FARS2: variants seen among roughly 807,000 people sequenced by gnomAD.
FARS2 encodes phenylalanine--tRNA ligase, mitochondrial.
Under a neutral mutation model 46.4 loss-of-function variants are expected in FARS2, and 40 were observed. That is an observed-to-expected ratio of 0.86 (90% confidence interval 0.67 to 1.12). The LOEUF is 1.12. Ranked by LOEUF, FARS2 falls within the 50% of genes most tolerant of loss-of-function variation. FARS2 has a pLI of 0.00. For missense variants in FARS2, 513 were observed against 567.9 expected (o/e 0.90, Z 0.98); for synonymous variants, 234 against 214.9 (o/e 1.09, Z -0.78).
intron 1 of FARS2, among the ~76,000 whole-genome samples, chr6:5,262,690 C>G (rs1264674198): frequency 6.6e-6 from 1 of 152,190 alleles, no homozygotes; most frequent in African/African-American, 2.4e-5. Flanking sequence ...AATCCTGATG[C>G]AATGACATTT....
chr6:5,476,394 T>A (rs944320461), intron 4 of FARS2, among the ~76,000 whole-genome samples: 7 of 152,240 alleles, frequency 4.6e-5, no homozygotes, highest in African/African-American at 1.7e-4. Flanking sequence ...CCTGTTTATT[T>A]ATTCTCATGT....
chr6:5,371,155 AGTTT>A (rs776633216), intron 2 of FARS2: 8 of 982,756 alleles, frequency 8.1e-6, no homozygotes, highest in Non-Finnish European at 9.7e-6. Context: ...CCCAAAGGGG[AGTTT>A]TGGTTCCAAG....
chr6:5,341,514 A>T (rs1030932084), intron 1 of FARS2, among the ~76,000 whole-genome samples: 9 of 150,778 alleles, frequency 6.0e-5, no homozygotes, highest in Admixed American at 3.3e-4. Context: ...TTTATTTATT[A>T]TTTTATTTTA....
At chr6:5,334,209 C>T (rs971076405) in intron 1 of FARS2, among the ~76,000 whole-genome samples, 3 of 152,216 alleles carry the variant, frequency 2.0e-5, no homozygotes, top group African/African-American at 4.8e-5. Flanking sequence ...GGCAGTGTAG[C>T]GGTAAAATAG....
rs772604608 is a variant in FARS2, at chr6:5,368,678, T to C, written c.108T>C (p.Pro36=). 1.4e-5 allele frequency: 22 copies of C among 1,614,006 alleles called. No individual in the cohort carries two copies. The South Asian group carries it at 2.3e-4, about 17-fold the overall frequency. Reference sequence around the variant, plus strand: ...AGCACCAGGCCTGGGGATCGAGGCCTCCTGCAGCAGAGTGTGCCACCCAAA... The same window carrying C: ...AGCACCAGGCCTGGGGATCGAGGCCCCCTGCAGCAGAGTGTGCCACCCAAA... The part of the protein sequence containing the change: ...GHQHQAWGSR[P]PAAECATQRA... Residue 36 remains proline, a synonymous_variant, in exon 2 of 7, where the codon CCT becomes CCC. Coordinates refer to ENST00000274680, the MANE Select transcript of FARS2 (RefSeq NM_006567.5).
At chr6:5,400,018 T>C (rs780191802) in intron 2 of FARS2, among the ~76,000 whole-genome samples, 12 of 152,194 alleles carry the variant, frequency 7.9e-5, no homozygotes, top group Admixed American at 2.0e-4. Context: ...TCAACAAATA[T>C]GTAGTTTTGT....
chr6:5,686,747 T>G, intron 6 of FARS2, among the ~76,000 whole-genome samples: 1 of 152,252 alleles, frequency 6.6e-6, no homozygotes, highest in Non-Finnish European at 1.5e-5. Context: ...CAAATGGTAT[T>G]TCAGTTCTAG....
At chr6:5,731,577 G>T (rs372432924) in intron 6 of FARS2, among the ~76,000 whole-genome samples, 1 of 152,136 alleles carries the variant, frequency 6.6e-6, no homozygotes, top group Non-Finnish European at 1.5e-5. Context: ...TTATTCTGTT[G>T]TACCCTTTGA....
At chr6:5,438,242 C>T in intron 4 of FARS2, among the ~76,000 whole-genome samples, 1 of 10,808 alleles carries the variant, frequency 9.3e-5, no homozygotes, top group Non-Finnish European at 1.8e-4. Context: ...TCTACCCACC[C>T]CCCGCCCCCC....
At chr6:5,590,445 G>A (rs1444979089) in intron 5 of FARS2, among the ~76,000 whole-genome samples, 2 of 152,194 alleles carry the variant, frequency 1.3e-5, no homozygotes, top group Non-Finnish European at 2.9e-5. Context: ...TGAGGTCATA[G>A]CTACCAGCTG....
At chr6:5,406,889 A>G (rs959004093) in intron 3 of FARS2, among the ~76,000 whole-genome samples, 1 of 151,562 alleles carries the variant, frequency 6.6e-6, no homozygotes, top group African/African-American at 2.4e-5. Flanking sequence ...ATCTTCAGCA[A>G]CACTTGATAG....
intron 5 of FARS2, among the ~76,000 whole-genome samples, chr6:5,572,024 A>AGCCCCCAAAGTTATCTTTTTCCTGTTTG (rs1772683715): frequency 2.0e-5 from 3 of 152,126 alleles, no homozygotes; most frequent in Admixed American, 2.0e-4. Flanking sequence ...ATCCTATATC[A>AGCCCCCAAAGTTATCTTTTTCCTGTTTG]GCCCCCAAAG....
At position 5,478,614 on chromosome 6, in the gene FARS2, C is replaced by T. The variant is rs183571739; in HGVS notation, c.904+47442C>T. On this transcript the variant is annotated intron_variant, in intron 4 of 6. Transcript: ENST00000274680. ...TGTCCAGATGCCCAGGCAAGATAAG[C>T]GTTCAAACCACCATGATTCTCTCAC... is the stretch of plus-strand genomic sequence containing the variant. Among the ~76,000 whole-genome samples, 23 of 152,248 alleles carry T rather than the reference C, an allele frequency of 1.5e-4. No individual in the cohort carries two copies. In the East Asian group the frequency reaches 3.1e-3, roughly 20 times the overall value.
At chr6:5,458,975 G>A (rs531579795) in intron 4 of FARS2, among the ~76,000 whole-genome samples, 18 of 152,300 alleles carry the variant, frequency 1.2e-4, no homozygotes, top group African/African-American at 4.3e-4. Context: ...TCTCTCAGAT[G>A]CATTCCATTA....
At chr6:5,577,327 G>GT (rs1773044127) in intron 5 of FARS2, among the ~76,000 whole-genome samples, 1 of 146,684 alleles carries the variant, frequency 6.8e-6, no homozygotes, top group South Asian at 2.3e-4. Context: ...TAAACTCATG[G>GT]TTTTTTACAC....
At chr6:5,388,446 G>A (rs1168372203) in intron 2 of FARS2, among the ~76,000 whole-genome samples, 1 of 152,058 alleles carries the variant, frequency 6.6e-6, no homozygotes, top group Non-Finnish European at 1.5e-5. Context: ...GTTTTTTGGT[G>A]ACAAGATCGT....
chr6:5,586,708 T>C (rs1421749422), intron 5 of FARS2, among the ~76,000 whole-genome samples: 1 of 152,148 alleles, frequency 6.6e-6, no homozygotes, highest in Non-Finnish European at 1.5e-5. Context: ...GAGATAATGC[T>C]TGTCTCATAA....
intron 6 of FARS2, among the ~76,000 whole-genome samples, chr6:5,672,650 C>G (rs1422243999): frequency 1.3e-5 from 2 of 152,184 alleles, no homozygotes; most frequent in Non-Finnish European, 2.9e-5. Flanking sequence ...CTACACCTCC[C>G]TCCTTCCCCT....
At chr6:5,721,866 G>A (rs1759931442) in intron 6 of FARS2, among the ~76,000 whole-genome samples, 1 of 152,184 alleles carries the variant, frequency 6.6e-6, no homozygotes. Flanking sequence ...AGAGTTGCTG[G>A]TTCAGCTCAC....
Sources: allele counts gnomAD v4.1 joint callset (sites outside exome capture counted in the v4.1 genomes callset), GRCh38; gene constraint gnomAD v4.1.1; transcripts MANE v1.5; gene names NCBI Gene and HGNC (gene_info 2026-07-23, HGNC 2026-07-21).